RAB11FIP3: variants seen among roughly 807,000 people sequenced by gnomAD.
RAB11FIP3 encodes RAB11 family interacting protein 3, also known as rab11 family-interacting protein 3.
RAB11FIP3 carries 17 observed loss-of-function variants against 77.8 expected under a neutral mutation model. The observed-to-expected ratio is 0.22, with a 90% confidence interval of 0.15 to 0.33. RAB11FIP3 has a LOEUF of 0.33. Among genes scored for constraint, RAB11FIP3 ranks in the 10% least tolerant of loss-of-function variants. RAB11FIP3 has a pLI of 1.00. For missense variants in RAB11FIP3, 1,005 were observed against 1,011.2 expected (o/e 0.99, Z 0.08); for synonymous variants, 437 against 448.2 (o/e 0.98, Z 0.31).
chr16:433,912 T>A (rs2055084379), intron 1 of RAB11FIP3, among the ~76,000 whole-genome samples: 1 of 151,932 alleles, frequency 6.6e-6, no homozygotes, highest in Non-Finnish European at 1.5e-5. Flanking sequence ...TCTTTATCCA[T>A]TCAACTGTTG....
intron 2 of RAB11FIP3, among the ~76,000 whole-genome samples, chr16:467,161 G>C (rs2055714836): frequency 6.6e-6 from 1 of 152,210 alleles, no homozygotes; most frequent in Non-Finnish European, 1.5e-5. Context: ...CAGAGGAGTG[G>C]GGAGGCCTCC....
intron 5 of RAB11FIP3, among the ~76,000 whole-genome samples, chr16:492,361 C>CCCGGGGGACCCGAGGCCG (rs1567391768): frequency 1.4e-5 from 2 of 139,144 alleles, no homozygotes; most frequent in African/African-American, 5.5e-5. Context: ...TGAAGAGGGT[C>CCCGGGGGACCCGAGGCCG]TTCCCGGGAG....
At chr16:510,599 T>C in intron 8 of RAB11FIP3, 61 bp from the exon 9 acceptor site, 1 of 1,507,518 alleles carries the variant, frequency 6.6e-7, no homozygotes, top group South Asian at 1.3e-5. Context: ...CTTCTGGGCA[T>C]GGGTGGAGCC....
chr16:460,694 A>G (rs771334367), intron 1 of RAB11FIP3, among the ~76,000 whole-genome samples: 5 of 152,150 alleles, frequency 3.3e-5, no homozygotes, highest in Non-Finnish European at 7.3e-5. Flanking sequence ...GTGCTTATCT[A>G]TGTTATCTAT....
intron 1 of RAB11FIP3, among the ~76,000 whole-genome samples, chr16:428,853 A>G (rs2141835244): frequency 6.6e-6 from 1 of 152,270 alleles, no homozygotes; most frequent in African/African-American, 2.4e-5. Context: ...CTTTCTTGTC[A>G]TCACAAAGTA....
intron 2 of RAB11FIP3, among the ~76,000 whole-genome samples, chr16:462,701 G>A (rs2055632268): frequency 1.5e-5 from 1 of 68,712 alleles, no homozygotes; most frequent in South Asian, 5.2e-4. Flanking sequence ...CCAGTCCCCC[G>A]GCACCGTCCC....
chr16:473,962 G>C (rs2055855005), intron 3 of RAB11FIP3, among the ~76,000 whole-genome samples: 1 of 152,028 alleles, frequency 6.6e-6, no homozygotes, highest in Non-Finnish European at 1.5e-5. Context: ...CTTTTCAGAT[G>C]CGCCTCTTTC....
At position 461,443 on chromosome 16, in the gene RAB11FIP3, G is replaced by A; in HGVS notation, c.754G>A (p.Gly252Ser). ...TAAGTACTTGGATCCCAGTGGGCTC[G>A]GCGTGATCAGCTTTGAAGACTTCTA... is the stretch of plus-strand genomic sequence containing the variant. ...LTKYLDPSGL[G>S]VISFEDFYQG... The change falls in exon 2 of 14, where the codon GGC becomes AGC. Residue 252 changes from glycine (G) to serine (S), a missense_variant. Gly to Ser is a moderately conservative substitution (Grantham distance 56). Transcript: ENST00000262305. This position sits in a 1 kb window ranked among gnomAD's most constrained non-coding sequence, Gnocchi z 4.5. 7 of 1,613,952 alleles carry A rather than the reference G, an allele frequency of 4.3e-6. No individual in the cohort carries two copies. The highest frequency in any genetic ancestry group is 1.7e-5 in the Admixed American group (1 of 60,006).
In RAB11FIP3 at chr16:488,863, T is replaced by C. The variant is rs554359406; in HGVS notation, c.1128T>C (p.His376=). ...LLLLPGRPHP[H]GQSVITVIGG... ...TTTTACTTTGCAGGCCTCACCCCCA[T>C]GGCCAGTCTGTCATCACGGTGATCG... The change falls in exon 5 of 14, where the codon CAT becomes CAC. Residue 376 remains histidine (H), a synonymous_variant. Coordinates refer to ENST00000262305, the MANE Select transcript of RAB11FIP3 (RefSeq NM_014700.4). 1.2e-6 allele frequency: 2 copies of C among 1,614,026 alleles called. No homozygotes were observed. Among genetic ancestry groups the C allele is most frequent in the Middle Eastern group, 1.6e-4 (1 of 6,062 alleles).
chr16:484,904 C>T (rs775610389), intron 4 of RAB11FIP3, among the ~76,000 whole-genome samples: 1 of 152,152 alleles, frequency 6.6e-6, no homozygotes, highest in Non-Finnish European at 1.5e-5. Flanking sequence ...GGGTCACCAG[C>T]CTCCGGCATC....
chr16:510,816 C>T lies in RAB11FIP3; in HGVS notation c.1640+16C>T, dbSNP rs766224995. The T allele has an allele frequency of 1.2e-6, 2 of 1,611,344 alleles. No homozygotes were observed. The highest frequency in any genetic ancestry group is 1.7e-6 in the Non-Finnish European group (2 of 1,178,912). ...TGCAGACCAGGTAGGCGGTTCCCAA[C>T]AGCCCATCCACCCCAGAACCTGCAG... is the stretch of plus-strand genomic sequence containing the variant. On this transcript the variant is annotated intron_variant, in intron 9 of 13. Transcript: ENST00000262305.
At chr16:483,051 C>T (rs1350239161) in intron 4 of RAB11FIP3, among the ~76,000 whole-genome samples, 4 of 152,136 alleles carry the variant, frequency 2.6e-5, no homozygotes, top group Non-Finnish European at 5.9e-5. Context: ...TTTTGGAACC[C>T]GTTCACCTTT....
chr16:447,561 C>G (rs1025606212), intron 1 of RAB11FIP3, among the ~76,000 whole-genome samples: 17 of 152,036 alleles, frequency 1.1e-4, no homozygotes, highest in Non-Finnish European at 7.4e-5. Context: ...CACGGTGAAA[C>G]CTCGTCTCTC....
At chr16:511,190 T>C (rs1272158902) in intron 9 of RAB11FIP3, among the ~76,000 whole-genome samples, 2 of 76,626 alleles carry the variant, frequency 2.6e-5, no homozygotes, top group South Asian at 5.7e-4. Context: ...GCAGGCCAGG[T>C]AGGAGAGGTT....
Position 514,966 on chromosome 16 carries a change from G to C in RAB11FIP3, c.1641-3977G>C, listed in dbSNP as rs530859662. 6.6e-6 allele frequency among the ~76,000 whole-genome samples: 1 copy of C among 152,340 alleles called. No individual in the cohort carries two copies. Among genetic ancestry groups the C allele is most frequent in the African/African-American group, 2.4e-5 (1 of 41,578 alleles). On this transcript the variant is annotated intron_variant, in intron 9 of 13. Coordinates refer to ENST00000262305, the MANE Select transcript of RAB11FIP3 (RefSeq NM_014700.4). The surrounding 1 kb of genome is among the most constrained non-coding windows in gnomAD (Gnocchi z 4.6). Reference sequence around the variant, plus strand: ...AGGAAGCCCAGGGAAGCCTTCGCTTGTGCCACGTAGCATAGCTCGTCCTTC... The same window carrying C: ...AGGAAGCCCAGGGAAGCCTTCGCTTCTGCCACGTAGCATAGCTCGTCCTTC...
At chr16:427,401 C>T (rs899448184) in intron 1 of RAB11FIP3, among the ~76,000 whole-genome samples, 3 of 152,228 alleles carry the variant, frequency 2.0e-5, no homozygotes, top group African/African-American at 4.8e-5. Flanking sequence ...CGTCCACTCT[C>T]GTAGGAGAGG....
rs527991461 is a variant in RAB11FIP3, at chr16:507,440, T to A, written c.1499+1813T>A. Among the ~76,000 whole-genome samples the A allele has an allele frequency of 1.6e-4, 24 of 152,034 alleles. No individual in the cohort carries two copies. The East Asian group carries it at 4.3e-3, about 27-fold the overall frequency. ...TTTTAATTTTTTTATAGAGATGAGG[T>A]CTTGCCATGTTGCCCATGCTGGTCT... On this transcript the variant is annotated intron_variant, in intron 8 of 13. Transcript: ENST00000262305. The surrounding 1 kb of genome is among the most constrained non-coding windows in gnomAD (Gnocchi z 4.6).
chr16:460,287 T>A (rs973685245), intron 1 of RAB11FIP3, among the ~76,000 whole-genome samples: 4 of 152,214 alleles, frequency 2.6e-5, no homozygotes, highest in African/African-American at 9.6e-5. Flanking sequence ...TTTTTTGCTT[T>A]TATTAATGTC....
chr16:445,006 C>A lies in RAB11FIP3; in HGVS notation c.715-16398C>A, dbSNP rs528980490. ...GTGGGTACCTGTAGTCCCAGCTACTCGGGAGGCTGAGGCAGGAGAATGGCG... is the reference window on the plus strand; with the variant it reads ...GTGGGTACCTGTAGTCCCAGCTACTAGGGAGGCTGAGGCAGGAGAATGGCG... On this transcript the variant is annotated intron_variant, in intron 1 of 13. Transcript: ENST00000262305. 1.3e-3 allele frequency among the ~76,000 whole-genome samples: 190 copies of A among 145,702 alleles called. 1 individual carries two copies. Among genetic ancestry groups the A allele is most frequent in the African/African-American group, 4.7e-3 (184 of 38,902 alleles).
Sources: gnomAD v4.1 joint callset for allele counts (sites outside exome capture counted in the v4.1 genomes callset) on GRCh38, gnomAD v4.1.1 for gene constraint, Gnocchi (gnomAD v3.1) non-coding constraint, MANE v1.5 for transcripts, NCBI Gene and HGNC (gene_info 2026-07-23, HGNC 2026-07-21) for gene names.